Variants in SCN7A observed in about 807,000 individuals in gnomAD.
SCN7A encodes sodium channel protein type 7 subunit alpha.
In SCN7A, 138 loss-of-function variants were observed where a neutral mutation model predicts 155.2. The ratio of observed to expected loss-of-function variants is 0.89; its 90% CI spans 0.77 to 1.02. The LOEUF is 1.02. Ranked by LOEUF, SCN7A falls within the 50% of genes least tolerant of loss-of-function variation. SCN7A has a pLI of 0.00. For synonymous variants in SCN7A, 693 were observed against 649.0 expected, an observed-to-expected ratio of 1.07 and a Z score of -1.03; for missense variants, 2,058 against 1,986.6, an observed-to-expected ratio of 1.04 and a Z score of -0.68.
At chr2:166,476,027 T>C (rs1311314822) in intron 3 of SCN7A, among the ~76,000 whole-genome samples, 1 of 151,920 alleles carries the variant, frequency 6.6e-6, no homozygotes, top group African/African-American at 2.4e-5. Flanking sequence ...ATCCCTACAG[T>C]TACTGTGCCA....
chr2:166,451,951 A>T (rs141613909), intron 11 of SCN7A, among the ~76,000 whole-genome samples: 85 of 152,258 alleles, frequency 5.6e-4, no homozygotes, highest in African/African-American at 1.9e-3. Context: ...AATTTCAGAG[A>T]TAATACACTT....
Position 166,478,984 on chromosome 2 carries a change from C to G in SCN7A, c.-14-1274G>C, listed in dbSNP as rs1702862139. ...AATTTACTCTTCCAATGATTCTATT[C>G]AATGTCAAAAGATTGATTTTTCTTT... On this transcript the variant is annotated intron_variant, in intron 2 of 25. Transcript: ENST00000643258. 8.5e-5 allele frequency among the ~76,000 whole-genome samples: 13 copies of G among 152,132 alleles called. 1 individual carries two copies. The South Asian group carries it at 2.7e-3, about 32-fold the overall frequency.
At position 166,406,575 on chromosome 2, in the gene SCN7A, G is replaced by A. The variant is rs201648326; in HGVS notation, c.4054C>T (p.Arg1352Trp). 2.0e-4 allele frequency: 326 copies of A among 1,612,480 alleles called. No individual in the cohort carries two copies. Among genetic ancestry groups the A allele is most frequent in the Non-Finnish European group, 2.6e-4 (311 of 1,179,156 alleles). Residue 1352 changes from arginine (R) to tryptophan (W), a missense_variant, in exon 26 of 26, where the codon CGG becomes TGG. Transcript: ENST00000643258. ...CCAAGACGCAGCATGTGAATGATCC[G>A]TGAGAGAAGTATCAGTTGCACAAGT... is the stretch of plus-strand genomic sequence containing the variant. ...PSLVQLILLS[R>W]IIHMLRLGKG...
chr2:166,405,642 T>C lies in SCN7A; in HGVS notation c.4987A>G (p.Thr1663Ala). The change falls in exon 26 of 26, where the codon ACT becomes GCT. Residue 1663 changes from threonine (T) to alanine (A), a missense_variant. Physicochemically the swap from Thr to Ala is moderately conservative, Grantham distance 58. Transcript: ENST00000643258. ...MIDGDRDVHA[T>A]KEGAYFDKAK... is the part of the protein sequence containing the mutation. ...TTGTCAAAATAGGCACCTTCTTTAG[T>C]AGCATGAACATCTCTGTCACCATCT... 1 of 1,611,446 alleles carries C rather than the reference T, an allele frequency of 6.2e-7. No homozygotes were observed. Among genetic ancestry groups the C allele is most frequent in the Non-Finnish European group, 8.5e-7 (1 of 1,178,728 alleles).
chr2:166,428,382 G>C (rs192497104), intron 17 of SCN7A, among the ~76,000 whole-genome samples: 1 of 152,164 alleles, frequency 6.6e-6, no homozygotes, highest in Non-Finnish European at 1.5e-5. Context: ...GAGATGTTAA[G>C]AGGCATAAAA....
chr2:166,412,583 G>A lies in SCN7A; in HGVS notation c.3553C>T (p.Leu1185=). The change falls in exon 23 of 26, where the codon CTG becomes TTG. Residue 1185 remains leucine (L), a synonymous_variant. Transcript: ENST00000643258. ...ATAATAACAGTAATCAGCATACTCA[G>A]AGGGAGAAATACTCCAAATATAATA... The part of the protein sequence containing the change: ...NFIIFGVFLP[L]SMLITVIIDN... 2.0e-6 allele frequency: 3 copies of A among 1,516,972 alleles called. No individual in the cohort carries two copies. The highest frequency in any genetic ancestry group is 2.6e-6 in the Non-Finnish European group (3 of 1,134,798). The allele number at this position is 1,516,972 out of a possible 1,614,324, so 94.0% of individuals were successfully genotyped here. A position where few individuals can be genotyped will look rare whatever the true frequency, so the allele number is the denominator to read the frequency against.
rs746294875 is a variant in SCN7A at position 166,405,787 on chromosome 2, C to T, written c.4842G>A (p.Glu1614=). The change falls in exon 26 of 26, where the codon GAG becomes GAA. Residue 1614 remains glutamate (E), a synonymous_variant. Transcript: ENST00000643258. ...LLANPFKITC[E]PITTTLKRKQ... ...TTCGTTTCAAAGTAGTCGTAATTGGCTCACATGTGATCTTAAAAGGGTTGG... is the reference window on the plus strand; with the variant it reads ...TTCGTTTCAAAGTAGTCGTAATTGGTTCACATGTGATCTTAAAAGGGTTGG... 16 of 1,613,036 alleles carry T rather than the reference C, an allele frequency of 9.9e-6. No individual in the cohort carries two copies. The highest frequency in any genetic ancestry group is 1.7e-4 in the Middle Eastern group (1 of 6,048).
chr2:166,414,141 A>T lies in SCN7A; in HGVS notation c.3415-1020T>A, dbSNP rs1482045787. ...TATATAATATATTATATATATGTAAATATATATAAATATATATAATATATT... is the reference window on the plus strand; with the variant it reads ...TATATAATATATTATATATATGTAATTATATATAAATATATATAATATATT... On this transcript the variant is annotated intron_variant, in intron 21 of 25. Transcript: ENST00000643258. 3.2e-4 allele frequency among the ~76,000 whole-genome samples: 21 copies of T among 65,066 alleles called. No individual in the cohort carries two copies. The East Asian group carries it at 4.9e-3, about 15-fold the overall frequency. 42.7% of individuals were successfully genotyped at this position (65,066 alleles called of 152,430 possible).
intron 15 of SCN7A, among the ~76,000 whole-genome samples, chr2:166,437,143 G>GA (rs1559102929): frequency 6.6e-6 from 1 of 152,184 alleles, no homozygotes; most frequent in Admixed American, 6.5e-5. Flanking sequence ...GGCCTAGGAG[G>GA]AAAAAATGGT....
chr2:166,413,998 T>TATATATATATATATATATATATAA (rs1262986488), intron 21 of SCN7A, among the ~76,000 whole-genome samples: 1 of 100,198 alleles, frequency 1.0e-5, no homozygotes. Context: ...TATATATATA[T>TATATATATATATATATATATATAA]ATATAAATAT....
chr2:166,455,412 A>C (rs1185159487), intron 11 of SCN7A, among the ~76,000 whole-genome samples: 1 of 152,110 alleles, frequency 6.6e-6, no homozygotes, highest in Non-Finnish European at 1.5e-5. Flanking sequence ...ATGCAGCTGG[A>C]GGCCATTATC....
At chr2:166,428,871 A>T (rs1316801063) in intron 17 of SCN7A, among the ~76,000 whole-genome samples, 2 of 152,070 alleles carry the variant, frequency 1.3e-5, no homozygotes, top group East Asian at 1.9e-4. Flanking sequence ...TTAAAGCAGC[A>T]CTGAGATGTT....
chr2:166,459,741 G>T lies in SCN7A; in HGVS notation c.1083+2648C>A, dbSNP rs142771013. 8.1e-3 allele frequency among the ~76,000 whole-genome samples: 1,231 copies of T among 152,136 alleles called. 19 individuals are homozygous for T. The highest frequency in any genetic ancestry group is 0.028 in the African/African-American group (1,148 of 41,486). On this transcript the variant is annotated intron_variant, in intron 10 of 25. Coordinates refer to ENST00000643258, the MANE Select transcript of SCN7A (RefSeq NM_002976.4). The stretch of plus-strand genomic sequence containing the variant: ...TGGAACCAATCCAATGCCCATCAAC[G>T]TTAAACTGGATAAAGAAAATGTGGC...
intron 7 of SCN7A, 109 bp downstream of exon 7, chr2:166,470,506 G>A (rs536017126): frequency 2.2e-6 from 2 of 928,860 alleles, no homozygotes; most frequent in African/African-American, 1.7e-5. Flanking sequence ...TGGTTTCAAA[G>A]TGGAAACATT....
chr2:166,457,168 G>A, intron 10 of SCN7A, 92 bp from the exon 11 acceptor site: 1 of 849,940 alleles, frequency 1.2e-6, no homozygotes, highest in Non-Finnish European at 1.8e-6. Flanking sequence ...AATTTTATTA[G>A]GAAAATAATA....
chr2:166,414,885 ATATAATATATATTATTATATAGGATAAT>A (rs1701331744), intron 21 of SCN7A, among the ~76,000 whole-genome samples: 1 of 76,868 alleles, frequency 1.3e-5, no homozygotes, highest in Non-Finnish European at 2.5e-5. Context: ...ATAGGATAAT[ATATAATATATATTATTATATAGGATAAT>A]ATATAATATA....
At chr2:166,484,846 C>G (rs1384027250) in intron 2 of SCN7A, among the ~76,000 whole-genome samples, 1 of 151,952 alleles carries the variant, frequency 6.6e-6, no homozygotes, top group East Asian at 1.9e-4. Flanking sequence ...AAATACTCTT[C>G]AAGAATGAAG....
chr2:166,409,961 T>C (rs1332567920), intron 24 of SCN7A, 26 bp from the exon 25 acceptor site: 3 of 1,518,740 alleles, frequency 2.0e-6, no homozygotes, highest in Non-Finnish European at 2.7e-6. Flanking sequence ...ACAGGTGTAA[T>C]AGTCTTATTA....
chr2:166,453,031 G>C (rs1025908435), intron 11 of SCN7A, among the ~76,000 whole-genome samples: 1 of 152,062 alleles, frequency 6.6e-6, no homozygotes, highest in Non-Finnish European at 1.5e-5. Context: ...GCCTTGTTGT[G>C]TTATCTATAA....
Sources: gnomAD v4.1 joint callset for allele counts (sites outside exome capture counted in the v4.1 genomes callset) on GRCh38, gnomAD v4.1.1 for gene constraint, MANE v1.5 for transcripts, NCBI Gene and HGNC (gene_info 2026-07-23, HGNC 2026-07-21) for gene names.